SLCO1B1: variants seen among roughly 807,000 people sequenced by gnomAD.
SLCO1B1 encodes the protein solute carrier organic anion transporter family member 1B1, also known as OATP-2.
A neutral mutation model predicts 70.1 loss-of-function variants in SLCO1B1; 81 were observed. The ratio of observed to expected loss-of-function variants is 1.16; its 90% CI spans 0.97 to 1.39. The LOEUF (loss-of-function observed/expected upper bound fraction) is 1.39. SLCO1B1 is among the 40% of genes most tolerant of loss of function. The probability of loss-of-function intolerance (pLI) is 0.00; values close to 1 mark genes in which losing one functional copy is unlikely to be tolerated. For synonymous variants in SLCO1B1, 283 were observed against 271.5 expected, an observed-to-expected ratio of 1.04 and a Z score of -0.42; for missense variants, 895 against 799.6, an observed-to-expected ratio of 1.12 and a Z score of -1.44.
At chr12:21,219,321 A>G (rs772379158) in intron 12 of SLCO1B1, among the ~76,000 whole-genome samples, 8 of 152,228 alleles carry the variant, frequency 5.3e-5, no homozygotes, top group Non-Finnish European at 1.0e-4. Flanking sequence ...GCCATGCTAA[A>G]TGGAGACATA....
At chr12:21,229,419 G>A (rs1941511815) in intron 14 of SLCO1B1, among the ~76,000 whole-genome samples, 1 of 152,046 alleles carries the variant, frequency 6.6e-6, no homozygotes, top group Admixed American at 6.5e-5. Flanking sequence ...AAAACCCCTG[G>A]AGACCACTGT....
chr12:21,148,668 T>G (rs189341764), intron 2 of SLCO1B1, among the ~76,000 whole-genome samples: 2 of 151,644 alleles, frequency 1.3e-5, no homozygotes, highest in African/African-American at 4.8e-5. Flanking sequence ...TTGTTCTTTT[T>G]GCTTAGGATT....
chr12:21,205,071 G>GT (rs1193074073), intron 10 of SLCO1B1, among the ~76,000 whole-genome samples: 5 of 151,806 alleles, frequency 3.3e-5, no homozygotes, highest in African/African-American at 1.2e-4. Flanking sequence ...AGTTTCTGAA[G>GT]TATGAATCTT....
chr12:21,206,976 C>T (rs1941222401), intron 11 of SLCO1B1, among the ~76,000 whole-genome samples: 1 of 151,894 alleles, frequency 6.6e-6, no homozygotes, highest in Admixed American at 6.6e-5. Flanking sequence ...ATAAAGCATC[C>T]TGGACTTTTT....
chr12:21,206,256 A>C (rs12303414), intron 11 of SLCO1B1, among the ~76,000 whole-genome samples: 192 of 151,974 alleles, frequency 1.3e-3, no homozygotes, highest in African/African-American at 4.5e-3. Context: ...TTCTAATTGG[A>C]GATCACCCCA....
chr12:21,205,246 A>G (rs1263414549), intron 10 of SLCO1B1, among the ~76,000 whole-genome samples: 1 of 151,990 alleles, frequency 6.6e-6, no homozygotes, highest in Non-Finnish European at 1.5e-5. Context: ...CATATTTTAT[A>G]ATTTATAACC....
chr12:21,213,194 G>A (rs547914257), intron 11 of SLCO1B1, among the ~76,000 whole-genome samples: 266 of 152,190 alleles, frequency 1.7e-3, no homozygotes, highest in African/African-American at 6.2e-3. Context: ...ATTTTGCAGT[G>A]GCTGGTACCA....
chr12:21,204,926 G>A (rs1341975149), intron 10 of SLCO1B1, among the ~76,000 whole-genome samples: 6 of 151,570 alleles, frequency 4.0e-5, no homozygotes, highest in East Asian at 3.9e-4. Context: ...CTTCATATAC[G>A]AGATTAGTTT....
At chr12:21,139,525 A>C (rs919750014) in intron 1 of SLCO1B1, among the ~76,000 whole-genome samples, 2 of 152,086 alleles carry the variant, frequency 1.3e-5, no homozygotes, top group African/African-American at 4.8e-5. Flanking sequence ...CTATCCCTTA[A>C]ATATGTATTA....
chr12:21,134,566 A>G (rs1450077533), intron 1 of SLCO1B1, among the ~76,000 whole-genome samples: 2 of 151,872 alleles, frequency 1.3e-5, no homozygotes, highest in East Asian at 1.9e-4. Context: ...TCTTGGGAGG[A>G]TGTATGTGTC....
intron 2 of SLCO1B1, among the ~76,000 whole-genome samples, chr12:21,161,908 C>T (rs1182553215): frequency 2.0e-5 from 3 of 151,622 alleles, no homozygotes; most frequent in African/African-American, 4.8e-5. Context: ...TTCAGGAGGC[C>T]GAGGCAGGAA....
chr12:21,239,214 T>A lies in SLCO1B1; in HGVS notation c.*25T>A, dbSNP rs779566019. 1 of 1,498,042 alleles carries A rather than the reference T, an allele frequency of 6.7e-7. No homozygotes were observed. The highest frequency in any genetic ancestry group is 1.1e-5 in the South Asian group (1 of 88,716). The allele number at this position is 1,498,042 out of a possible 1,614,324, so 92.8% of individuals were successfully genotyped here. On this transcript the variant is annotated 3_prime_UTR_variant, in exon 15 of 15. Coordinates refer to ENST00000256958, the MANE Select transcript of SLCO1B1 (RefSeq NM_006446.5). ...AGGGGAGAAAAAAAGCCACTTCTGC[T>A]TCTGTGTTTCCAAACAGCATTGCAT...
intron 14 of SLCO1B1, among the ~76,000 whole-genome samples, chr12:21,233,835 G>A (rs1263103470): frequency 1.3e-5 from 2 of 152,188 alleles, no homozygotes; most frequent in Admixed American, 6.5e-5. Context: ...GAACTAGGCA[G>A]CCACTTGGGC....
At chr12:21,187,504 C>A (rs1940976504) in intron 7 of SLCO1B1, among the ~76,000 whole-genome samples, 1 of 152,030 alleles carries the variant, frequency 6.6e-6, no homozygotes, top group Non-Finnish European at 1.5e-5. Context: ...ACCACAACAT[C>A]TCTAATTCAG....
In SLCO1B1 at chr12:21,217,105, A is replaced by G; in HGVS notation, c.1498-14A>G. 6.2e-7 allele frequency: 1 copy of G among 1,609,784 alleles called. No homozygotes were observed. Among genetic ancestry groups the G allele is most frequent in the Non-Finnish European group, 8.5e-7 (1 of 1,177,290 alleles). On this transcript the variant is annotated splice_polypyrimidine_tract_variant and intron_variant, in intron 11 of 14. Coordinates refer to ENST00000256958, the MANE Select transcript of SLCO1B1 (RefSeq NM_006446.5). ...GCAAATTTCTTATGTCATATTTTATACACAACGCTTAAGGTGTTTTACAAC... is the reference window on the plus strand; with the variant it reads ...GCAAATTTCTTATGTCATATTTTATGCACAACGCTTAAGGTGTTTTACAAC...
intron 6 of SLCO1B1, 28 bp from the exon 7 acceptor site, chr12:21,178,894 T>C (rs773040083): frequency 3.3e-6 from 5 of 1,507,914 alleles, no homozygotes; most frequent in Non-Finnish European, 4.6e-6. Flanking sequence ...TCTTGGCATC[T>C]AGTAAAATTG....
Position 21,204,271 on chromosome 12 carries a change from T to A in SLCO1B1, c.1331+1585T>A, listed in dbSNP as rs1488326013. On this transcript the variant is annotated intron_variant, in intron 10 of 14. Coordinates refer to ENST00000256958, the MANE Select transcript of SLCO1B1 (RefSeq NM_006446.5). ...TAATAATACTAAGACATTATTTGCC[T>A]TTTTATTCTCATGCTATCCTGACAG... 2.0e-5 allele frequency among the ~76,000 whole-genome samples: 3 copies of A among 151,860 alleles called. No individual in the cohort carries two copies. The East Asian group carries it at 5.8e-4, about 29-fold the overall frequency.
intron 2 of SLCO1B1, among the ~76,000 whole-genome samples, chr12:21,171,125 A>C (rs1460440342): frequency 1.3e-5 from 2 of 152,224 alleles, no homozygotes; most frequent in African/African-American, 4.8e-5. Flanking sequence ...TTTTAAAGAG[A>C]TTGATCAAGG....
At chr12:21,134,951 G>C (rs1940196905) in intron 1 of SLCO1B1, among the ~76,000 whole-genome samples, 1 of 152,108 alleles carries the variant, frequency 6.6e-6, no homozygotes, top group Non-Finnish European at 1.5e-5. Context: ...GATCTTTCCT[G>C]CTTTCTCTTG....
Sources: gnomAD v4.1 joint callset for allele counts (sites outside exome capture counted in the v4.1 genomes callset) on GRCh38, gnomAD v4.1.1 for gene constraint, MANE v1.5 for transcripts, NCBI Gene and HGNC (gene_info 2026-07-23, HGNC 2026-07-21) for gene names.